SIL1: variants seen among roughly 807,000 people sequenced by gnomAD.
SIL1 encodes nucleotide exchange factor SIL1.
Under a neutral mutation model 49.1 loss-of-function variants are expected in SIL1, and 40 were observed. The observed-to-expected ratio is 0.81, with a 90% CI of 0.63 to 1.06. SIL1 has a LOEUF of 1.06. Among genes scored for constraint, SIL1 ranks in the 50% least tolerant of loss-of-function variants. SIL1 has a pLI of 0.00. For synonymous variants in SIL1, 253 were observed against 250.8 expected (o/e 1.01, Z -0.08); for missense variants, 500 against 572.6 (o/e 0.87, Z 1.29).
At chr5:139,071,219 T>C (rs1258328690) in intron 3 of SIL1, among the ~76,000 whole-genome samples, 4 of 17,014 alleles carry the variant, frequency 2.4e-4, no homozygotes, top group Non-Finnish European at 2.3e-4. Flanking sequence ...AAGCAGGGGG[T>C]GGGGGTGGGG....
At chr5:139,171,744 A>T (rs555146020) in intron 1 of SIL1, among the ~76,000 whole-genome samples, 14 of 151,840 alleles carry the variant, frequency 9.2e-5, no homozygotes, top group African/African-American at 2.2e-4. Flanking sequence ...AAAAAGAAAA[A>T]AAATAAACCA....
intron 1 of SIL1, among the ~76,000 whole-genome samples, chr5:139,136,480 T>C (rs1057190187): frequency 6.6e-6 from 1 of 152,172 alleles, no homozygotes; most frequent in Non-Finnish European, 1.5e-5. Context: ...GGACCAAGCA[T>C]AGTCTTCAAC....
intron 1 of SIL1, among the ~76,000 whole-genome samples, chr5:139,165,474 G>A (rs761565713): frequency 3.3e-5 from 5 of 151,854 alleles, no homozygotes; most frequent in Non-Finnish European, 7.4e-5. Flanking sequence ...TCAGCCTCCC[G>A]ACTAGCTGGG....
At chr5:139,142,925 C>T (rs985301562) in intron 1 of SIL1, among the ~76,000 whole-genome samples, 8 of 152,048 alleles carry the variant, frequency 5.3e-5, no homozygotes, top group Admixed American at 2.0e-4. Context: ...CCCGCCACCA[C>T]GCCTGGCTAA....
intron 5 of SIL1, among the ~76,000 whole-genome samples, chr5:139,041,015 C>A (rs1174075142): frequency 1.3e-5 from 2 of 152,158 alleles, no homozygotes; most frequent in Non-Finnish European, 2.9e-5. Flanking sequence ...TGAATAGGAG[C>A]TGTTTAATGT....
chr5:139,147,006 A>G (rs1751208106), intron 1 of SIL1, among the ~76,000 whole-genome samples: 1 of 152,146 alleles, frequency 6.6e-6, no homozygotes, highest in Admixed American at 6.5e-5. Context: ...CCACTGTTTA[A>G]TCTCTAGTTA....
chr5:139,143,300 C>CAT (rs201294202), intron 1 of SIL1, among the ~76,000 whole-genome samples: 1,124 of 75,764 alleles, frequency 0.015, 12 homozygotes, highest in African/African-American at 0.067. Context: ...TGTGTATATA[C>CAT]ATATATACAC....
intron 7 of SIL1, among the ~76,000 whole-genome samples, chr5:138,975,476 G>A (rs1029934833): frequency 1.3e-5 from 2 of 152,180 alleles, no homozygotes; most frequent in Non-Finnish European, 2.9e-5. Flanking sequence ...GTGACTGACT[G>A]TCCCTGCATG....
At chr5:139,006,550 A>T (rs1441482655) in intron 7 of SIL1, among the ~76,000 whole-genome samples, 4 of 149,208 alleles carry the variant, frequency 2.7e-5, no homozygotes, top group Non-Finnish European at 5.9e-5. Flanking sequence ...CTGAATGGTA[A>T]TGCCTAGGTT....
intron 7 of SIL1, among the ~76,000 whole-genome samples, chr5:138,991,090 G>T (rs1482670988): frequency 6.6e-6 from 1 of 152,192 alleles, no homozygotes; most frequent in Non-Finnish European, 1.5e-5. Flanking sequence ...CTTCATGACA[G>T]GAGTCTCTAT....
At chr5:139,192,997 CAAAAAAAAAAAA>C (rs60150903) in intron 1 of SIL1, among the ~76,000 whole-genome samples, 42,543 of 79,502 alleles carry the variant, frequency 0.54, 8,282 homozygotes, top group Middle Eastern at 0.64. Context: ...AACTCAGTCT[CAAAAAAAAAAAA>C]AAAAAAAAAA....
chr5:139,102,708 C>CTT (rs66644479), intron 3 of SIL1, among the ~76,000 whole-genome samples: 25 of 137,996 alleles, frequency 1.8e-4, no homozygotes, highest in African/African-American at 5.6e-4. Context: ...CTGCTTTTTT[C>CTT]TTTTTTTTTT....
At chr5:139,055,678 G>GTCTCCC (rs1172693397) in intron 3 of SIL1, among the ~76,000 whole-genome samples, 1 of 100,864 alleles carries the variant, frequency 9.9e-6, no homozygotes, top group Non-Finnish European at 1.9e-5. Context: ...TCTCCCCACG[G>GTCTCCC]TCTCCCTCTC....
chr5:139,137,909 A>G (rs929401518), intron 1 of SIL1, among the ~76,000 whole-genome samples: 9 of 151,704 alleles, frequency 5.9e-5, no homozygotes, highest in African/African-American at 1.5e-4. Flanking sequence ...ACACACGCGC[A>G]CACACACACA....
intron 1 of SIL1, among the ~76,000 whole-genome samples, chr5:139,172,928 G>A (rs1030745929): frequency 4.6e-5 from 7 of 151,380 alleles, no homozygotes; most frequent in Admixed American, 2.0e-4. Context: ...TCCAGAACCC[G>A]CTGATGCCCC....
chr5:139,062,851 C>T (rs577828153), intron 3 of SIL1, among the ~76,000 whole-genome samples: 1 of 152,342 alleles, frequency 6.6e-6, no homozygotes, highest in African/African-American at 2.4e-5. Flanking sequence ...TCCAGGCATT[C>T]CTTCTGCCAC....
intron 3 of SIL1, among the ~76,000 whole-genome samples, chr5:139,087,499 G>A (rs1399379416): frequency 6.6e-6 from 1 of 152,038 alleles, no homozygotes; most frequent in East Asian, 1.9e-4. Context: ...GAGCTATGAT[G>A]ATGCCACTGC....
intron 7 of SIL1, chr5:139,012,425 T>C (rs1349454992): frequency 2.6e-5 from 4 of 152,060 alleles, no homozygotes; most frequent in Non-Finnish European, 4.4e-5. Flanking sequence ...GAGACCAAAG[T>C]GCTGGCATTA....
intron 1 of SIL1, among the ~76,000 whole-genome samples, chr5:139,141,666 T>G (rs1015717722): frequency 6.6e-6 from 1 of 151,884 alleles, no homozygotes; most frequent in South Asian, 2.1e-4. Flanking sequence ...TAAAAGCAGA[T>G]GCATAAAAAA....
Sources: allele counts gnomAD v4.1 joint callset (sites outside exome capture counted in the v4.1 genomes callset), GRCh38; gene constraint gnomAD v4.1.1; transcripts MANE v1.5; gene names NCBI Gene and HGNC (gene_info 2026-07-23, HGNC 2026-07-21).